Variants in DCAF6 observed in about 807,000 individuals in gnomAD.
DCAF6 encodes the protein DDB1 and CUL4 associated factor 6.
A neutral mutation model predicts 125.1 loss-of-function variants in DCAF6; 54 were observed. The ratio of observed to expected loss-of-function variants is 0.43; its 90% confidence interval spans 0.35 to 0.54. The LOEUF (loss-of-function observed/expected upper bound fraction) is 0.54. Among genes scored for constraint, DCAF6 ranks in the 20% least tolerant of loss-of-function variants. The probability of loss-of-function intolerance (pLI) is 0.01; values close to 1 mark genes in which losing one functional copy is unlikely to be tolerated. For missense variants in DCAF6, 934 were observed against 1,161.7 expected, an observed-to-expected ratio of 0.80 and a Z score of 2.85; for synonymous variants, 371 against 390.4, an observed-to-expected ratio of 0.95 and a Z score of 0.58.
intron 18 of DCAF6, 135 bp downstream of exon 18, chr1:168,063,894 C>A: frequency 1.2e-6 from 1 of 800,088 alleles, no homozygotes; most frequent in Non-Finnish European, 1.9e-6. Flanking sequence ...ATCTCTTTAT[C>A]CAACATGGTT....
At chr1:167,989,101 A>T (rs192003702) in intron 5 of DCAF6, among the ~76,000 whole-genome samples, 1 of 151,438 alleles carries the variant, frequency 6.6e-6, no homozygotes, top group Non-Finnish European at 1.5e-5. Context: ...AACAAAACAA[A>T]AAAACCTTTA....
rs1285881438 is a variant in DCAF6, at chr1:168,075,808, T to C, written c.*373T>C. On this transcript the variant is annotated 3_prime_UTR_variant, in exon 22 of 22. Coordinates refer to ENST00000367840, the MANE Select transcript of DCAF6 (RefSeq NM_001198956.2). ...TGCCATTTGCATGTTTGTTGCTTTC[T>C]AATTAAAGAAACTGGTTGTTTTAAG... 1 of 172,088 alleles carries C rather than the reference T, an allele frequency of 5.8e-6. No individual in the cohort carries two copies. Among genetic ancestry groups the C allele is most frequent in the African/African-American group, 2.4e-5 (1 of 42,094 alleles). The allele number at this position is 172,088 out of a possible 1,614,324, so 10.7% of individuals were successfully genotyped here.
intron 1 of DCAF6, among the ~76,000 whole-genome samples, chr1:167,946,082 G>A (rs527984422): frequency 1.6e-4 from 23 of 145,396 alleles, no homozygotes; most frequent in Admixed American, 9.8e-4. Flanking sequence ...TCAGCCTCCC[G>A]AGTAGCTGGG....
chr1:168,004,799 G>T lies in DCAF6; in HGVS notation c.1378+6G>T. 2 of 1,612,104 alleles carry T rather than the reference G, an allele frequency of 1.2e-6. No homozygotes were observed. The highest frequency in any genetic ancestry group is 1.7e-5 in the Admixed American group (1 of 59,866). The stretch of plus-strand genomic sequence containing the variant: ...CCACACACATCATCAGTCTGGTGAG[G>T]ATAAGTATGCTGTGGTTCATCTAAT... On this transcript the variant is annotated splice_donor_region_variant and intron_variant, in intron 10 of 21. Coordinates refer to ENST00000367840, the MANE Select transcript of DCAF6 (RefSeq NM_001198956.2).
At chr1:167,906,619 C>T in the DCAF6 span, among the ~76,000 whole-genome samples, 1 of 119,582 alleles carries the variant, frequency 8.4e-6, no homozygotes, top group East Asian at 2.1e-4. Flanking sequence ...AATCCCATCT[C>T]TACAAAAAAA....
chr1:168,055,930 C>T (rs1316854469), intron 17 of DCAF6: 12 of 1,565,370 alleles, frequency 7.7e-6, no homozygotes, highest in Admixed American at 5.0e-5. Flanking sequence ...ATGTATTTCT[C>T]ATATGCTTCT....
At chr1:167,929,429 A>G in the DCAF6 span, among the ~76,000 whole-genome samples, 6 of 152,322 alleles carry the variant, frequency 3.9e-5, no homozygotes, top group East Asian at 1.2e-3. Context: ...AATACTGACT[A>G]TAAGTTATTT....
chr1:168,019,440 T>C (rs565443072), intron 11 of DCAF6: 3 of 334,510 alleles, frequency 9.0e-6, no homozygotes, highest in African/African-American at 6.4e-5. Context: ...TTCAGGGTTT[T>C]GAATGAGCTA....
chr1:167,992,928 G>A (rs552644920), intron 6 of DCAF6, among the ~76,000 whole-genome samples: 40 of 152,202 alleles, frequency 2.6e-4, no homozygotes, highest in African/African-American at 8.7e-4. Context: ...AGATGACTTC[G>A]TGTGATTGTA....
rs369299958 is a variant in DCAF6, at chr1:167,985,117, C to G, written c.439-2378C>G. 4.6e-5 allele frequency among the ~76,000 whole-genome samples: 7 copies of G among 152,256 alleles called. No homozygotes were observed. The East Asian group carries it at 1.4e-3, about 29-fold the overall frequency. ...GCCCACATGATTCAGTTACCTCCCA[C>G]TGGGTCCCTCCCACAACACGTGGCA... On this transcript the variant is annotated intron_variant, in intron 4 of 21. Coordinates refer to ENST00000367840, the MANE Select transcript of DCAF6 (RefSeq NM_001198956.2).
chr1:168,039,265 T>C (rs1366136312), intron 13 of DCAF6, among the ~76,000 whole-genome samples: 1 of 152,056 alleles, frequency 6.6e-6, no homozygotes, highest in African/African-American at 2.4e-5. Flanking sequence ...TACGATTTAC[T>C]GTCTCCAGGC....
intron 4 of DCAF6, among the ~76,000 whole-genome samples, chr1:167,984,196 G>A (rs989138814): frequency 9.9e-5 from 15 of 152,174 alleles, no homozygotes; most frequent in Admixed American, 4.6e-4. Context: ...AGTGTTGTCA[G>A]TGCTTTTATG....
chr1:167,952,664 C>T (rs530557845), intron 2 of DCAF6, among the ~76,000 whole-genome samples: 5 of 152,160 alleles, frequency 3.3e-5, no homozygotes, highest in East Asian at 1.9e-4. Context: ...GTTGGTTGCA[C>T]GAAGACCCTG....
At chr1:167,977,083 T>A (rs1216143574) in intron 4 of DCAF6, among the ~76,000 whole-genome samples, 1 of 151,304 alleles carries the variant, frequency 6.6e-6, no homozygotes, top group Non-Finnish European at 1.5e-5. Context: ...GTATTTTTTT[T>A]AGGAGAGATG....
chr1:167,956,472 CT>C (rs1173589406), intron 2 of DCAF6, among the ~76,000 whole-genome samples: 2 of 152,022 alleles, frequency 1.3e-5, no homozygotes, highest in South Asian at 2.1e-4. Context: ...ATTAGTTTGG[CT>C]AGAGGCTTGT....
intron 12 of DCAF6, among the ~76,000 whole-genome samples, chr1:168,035,940 T>C (rs1471804873): frequency 6.6e-6 from 1 of 152,026 alleles, no homozygotes; most frequent in Non-Finnish European, 1.5e-5. Flanking sequence ...TGGGTGCCTA[T>C]AACCCCAGCT....
intron 2 of DCAF6, among the ~76,000 whole-genome samples, chr1:167,958,671 T>C (rs544873210): frequency 6.6e-6 from 1 of 152,310 alleles, no homozygotes; most frequent in South Asian, 2.1e-4. Context: ...TTGTAAAATA[T>C]CAGAACATTG....
At chr1:167,878,376 A>G in the DCAF6 span, 2 of 1,534,706 alleles carry the variant, frequency 1.3e-6, no homozygotes, top group Non-Finnish European at 1.8e-6. Context: ...TAAATGGGTG[A>G]CTGCTTTGCT....
the DCAF6 span, among the ~76,000 whole-genome samples, chr1:167,902,831 T>C: frequency 1.3e-5 from 2 of 152,228 alleles, no homozygotes; most frequent in African/African-American, 4.8e-5. Flanking sequence ...AAGTTTTCAG[T>C]TCACTCTAAG....
Sources: gnomAD v4.1 joint callset for allele counts (sites outside exome capture counted in the v4.1 genomes callset) on GRCh38, gnomAD v4.1.1 for gene constraint, MANE v1.5 for transcripts, NCBI Gene and HGNC (gene_info 2026-07-23, HGNC 2026-07-21) for gene names.